Variants in COL24A1 observed in about 807,000 individuals in gnomAD.
COL24A1 encodes the protein collagen alpha-1(XXIV) chain.
In COL24A1, 224 loss-of-function variants were observed where a neutral mutation model predicts 253.9. The ratio of observed to expected loss-of-function variants is 0.88; its 90% CI spans 0.79 to 0.99. The LOEUF (loss-of-function observed/expected upper bound fraction) is 0.99, where lower values mean the gene tolerates loss of function less well. Among genes scored for constraint, COL24A1 ranks in the 50% least tolerant of loss-of-function variants. The pLI, the probability that COL24A1 is intolerant of heterozygous loss-of-function variation, is 0.00. For synonymous variants in COL24A1, 685 were observed against 673.7 expected (o/e 1.02, Z -0.26); for missense variants, 2,131 against 2,068.5 (o/e 1.03, Z -0.59).
Position 86,022,947 on chromosome 1 carries a change from A to G in COL24A1, c.2103+7T>C. 6.2e-7 allele frequency: 1 copy of G among 1,613,268 alleles called. No individual in the cohort carries two copies. Among genetic ancestry groups the G allele is most frequent in the Middle Eastern group, 1.7e-4 (1 of 6,058 alleles). ...GGGAAATATCCATTATACAAATAGAACCATACCATTGGGCCAGGAATTCCA... is the reference window on the plus strand; with the variant it reads ...GGGAAATATCCATTATACAAATAGAGCCATACCATTGGGCCAGGAATTCCA... On this transcript the variant is annotated splice_region_variant and intron_variant, in intron 15 of 59. Coordinates refer to ENST00000370571, the MANE Select transcript of COL24A1 (RefSeq NM_152890.7).
intron 2 of COL24A1, among the ~76,000 whole-genome samples, chr1:86,142,493 A>G (rs1651264607): frequency 6.7e-6 from 1 of 149,932 alleles, no homozygotes; most frequent in Non-Finnish European, 1.5e-5. Flanking sequence ...ACTGCACTCC[A>G]GCCTGGACGA....
chr1:85,765,349 CTGTT>C (rs564313677), intron 53 of COL24A1, among the ~76,000 whole-genome samples: 2,285 of 130,920 alleles, frequency 0.017, 34 homozygotes, highest in Non-Finnish European at 0.026. Flanking sequence ...AGATTGTTCT[CTGTT>C]TTTTTTTATT....
chr1:85,954,365 T>TTA (rs1438933477), intron 24 of COL24A1, among the ~76,000 whole-genome samples: 1 of 152,194 alleles, frequency 6.6e-6, no homozygotes, highest in African/African-American at 2.4e-5. Flanking sequence ...TACTTATTCA[T>TTA]TAGAAAGACA....
intron 20 of COL24A1, among the ~76,000 whole-genome samples, chr1:85,977,660 CAGACAA>C (rs1246626035): frequency 6.6e-6 from 1 of 152,040 alleles, no homozygotes; most frequent in Non-Finnish European, 1.5e-5. Flanking sequence ...TTAACTCAAT[CAGACAA>C]AGACAAAGAA....
At chr1:86,137,341 T>A (rs1470867244) in intron 2 of COL24A1, among the ~76,000 whole-genome samples, 1 of 152,216 alleles carries the variant, frequency 6.6e-6, no homozygotes, top group African/African-American at 2.4e-5. Context: ...CAAGCACTAT[T>A]CTAAGAACTT....
chr1:85,917,861 C>G (rs78843384), intron 24 of COL24A1, among the ~76,000 whole-genome samples: 1 of 151,968 alleles, frequency 6.6e-6, no homozygotes, highest in African/African-American at 2.4e-5. Context: ...TGCACCACGA[C>G]GCCCAGCTAA....
chr1:86,107,606 C>T (rs999180810), intron 5 of COL24A1, among the ~76,000 whole-genome samples: 1 of 151,896 alleles, frequency 6.6e-6, no homozygotes, highest in African/African-American at 2.4e-5. Flanking sequence ...CCGATCTTGG[C>T]TCACTGTAAG....
chr1:85,859,939 A>C (rs1678946648), intron 37 of COL24A1, among the ~76,000 whole-genome samples: 1 of 152,132 alleles, frequency 6.6e-6, no homozygotes, highest in Non-Finnish European at 1.5e-5. Context: ...GCAACATAGC[A>C]AGACCGCATC....
rs1407268731 is a variant in COL24A1, at chr1:85,896,408, C to A, written c.2780G>T (p.Gly927Val). 6.2e-7 allele frequency: 1 copy of A among 1,611,436 alleles called. No homozygotes were observed. The highest frequency in any genetic ancestry group is 1.3e-5 in the African/African-American group (1 of 74,836). Residue 927 changes from glycine (G) to valine (V), a missense_variant and splice_region_variant, in exon 29 of 60, where the codon GGA becomes GTA. Physicochemically the swap from Gly to Val is moderately radical, Grantham distance 109 (BLOSUM62 -3). Coordinates refer to ENST00000370571, the MANE Select transcript of COL24A1 (RefSeq NM_152890.7). ...PGSQGPKGQRGSRGPDGLLGE... is the reference protein window; with the variant it reads ...PGSQGPKGQRVSRGPDGLLGE... ...TAAGAGACCATCTGGTCCTCTTGAT[C>A]CCTAGAGGTGAAAAAAATATCCTGT...
intron 24 of COL24A1, among the ~76,000 whole-genome samples, chr1:85,951,395 T>C (rs1344615327): frequency 6.6e-6 from 1 of 152,118 alleles, no homozygotes; most frequent in Non-Finnish European, 1.5e-5. Flanking sequence ...TAATTTAAGA[T>C]GGATCTTGAA....
rs142716081 is a variant in COL24A1 at position 85,944,493 on chromosome 1, A to C, written c.2562+16756T>G. Among the ~76,000 whole-genome samples, 12 of 152,302 alleles carry C rather than the reference A, an allele frequency of 7.9e-5. No individual in the cohort carries two copies. The East Asian group carries it at 2.3e-3, about 29-fold the overall frequency. On this transcript the variant is annotated intron_variant, in intron 24 of 59. Coordinates refer to ENST00000370571, the MANE Select transcript of COL24A1 (RefSeq NM_152890.7). ...AAAAAAATTTTAAATTATTCTTTCC[A>C]GAATTATATTTTCGGATTTGATCTT...
At chr1:85,849,512 T>TA in intron 37 of COL24A1, 106 bp from the exon 38 acceptor site, 1 of 861,388 alleles carries the variant, frequency 1.2e-6, no homozygotes, top group Non-Finnish European at 1.9e-6. Context: ...GGACGAGAAG[T>TA]AAAAATGAGG....
intron 31 of COL24A1, among the ~76,000 whole-genome samples, chr1:85,895,388 A>G (rs947390234): frequency 2.6e-5 from 4 of 152,206 alleles, no homozygotes; most frequent in Non-Finnish European, 4.4e-5. Context: ...AAAACTAGGC[A>G]AGAGGCCTGA....
chr1:86,062,106 A>G (rs184210995), intron 8 of COL24A1, among the ~76,000 whole-genome samples: 1 of 152,218 alleles, frequency 6.6e-6, no homozygotes, highest in Admixed American at 6.5e-5. Context: ...CATTAAGTTA[A>G]TTAACATATG....
At chr1:85,863,065 T>C (rs1424467597) in intron 37 of COL24A1, among the ~76,000 whole-genome samples, 1 of 152,208 alleles carries the variant, frequency 6.6e-6, no homozygotes, top group Non-Finnish European at 1.5e-5. Flanking sequence ...GATATTTGAT[T>C]ATCTTTGAAG....
intron 12 of COL24A1, among the ~76,000 whole-genome samples, chr1:86,040,716 AGCTACTACAGACTAT>A (rs1463978159): frequency 3.3e-5 from 5 of 152,060 alleles, no homozygotes; most frequent in Non-Finnish European, 7.3e-5. Context: ...AGCCAAATAT[AGCTACTACAGACTAT>A]GCCCAGTAAA....
chr1:85,838,642 C>G lies in COL24A1; in HGVS notation c.3628-4G>C. ...CTCCTTGGTCCCCCACTGGACCCTA[C>G]AGAGACCACACACAAAACAATCAGT... On this transcript the variant is annotated splice_region_variant and splice_polypyrimidine_tract_variant and intron_variant, in intron 42 of 59. Coordinates refer to ENST00000370571, the MANE Select transcript of COL24A1 (RefSeq NM_152890.7). The G allele has an allele frequency of 3.1e-6, 5 of 1,613,784 alleles. No homozygotes were observed. Among genetic ancestry groups the G allele is most frequent in the Non-Finnish European group, 4.2e-6 (5 of 1,179,722 alleles).
chr1:86,132,523 A>C (rs1649428709), intron 2 of COL24A1, among the ~76,000 whole-genome samples: 1 of 152,074 alleles, frequency 6.6e-6, no homozygotes, highest in Non-Finnish European at 1.5e-5. Context: ...TCTTTAATCC[A>C]TCTTGAATTA....
chr1:85,943,314 C>T (rs1688933102), intron 24 of COL24A1, among the ~76,000 whole-genome samples: 1 of 152,176 alleles, frequency 6.6e-6, no homozygotes, highest in East Asian at 1.9e-4. Flanking sequence ...CTCCAGTTTG[C>T]AGATGGCCTA....
Sources: allele counts gnomAD v4.1 joint callset (sites outside exome capture counted in the v4.1 genomes callset), GRCh38; gene constraint gnomAD v4.1.1; transcripts MANE v1.5; gene names NCBI Gene and HGNC (gene_info 2026-07-23, HGNC 2026-07-21).